The following CBL variants were observed in gnomAD, a reference collection of about 807,000 sequenced individuals.
CBL encodes the protein E3 ubiquitin-protein ligase CBL.
CBL carries 45 observed loss-of-function variants against 96.9 expected under a neutral mutation model. The ratio of observed to expected loss-of-function variants is 0.46; its 90% CI spans 0.37 to 0.60. The LOEUF is 0.60. Among genes scored for constraint, CBL ranks in the 20% least tolerant of loss-of-function variants. CBL has a pLI of 0.00. For synonymous variants in CBL, 420 were observed against 426.8 expected, an observed-to-expected ratio of 0.98 and a Z score of 0.20; for missense variants, 1,024 against 1,143.5, an observed-to-expected ratio of 0.90 and a Z score of 1.51.
At chr11:119,209,691 T>A (rs1282652682) in intron 1 of CBL, among the ~76,000 whole-genome samples, 3 of 152,198 alleles carry the variant, frequency 2.0e-5, no homozygotes, top group Non-Finnish European at 2.9e-5. Context: ...CATACCTGCT[T>A]TATCTTTGTT....
chr11:119,208,431 C>T (rs1281938202), intron 1 of CBL, among the ~76,000 whole-genome samples: 1 of 150,794 alleles, frequency 6.6e-6, no homozygotes, highest in Non-Finnish European at 1.5e-5. Context: ...GCTCTTGTTA[C>T]CCAGGCTGGA....
intron 1 of CBL, among the ~76,000 whole-genome samples, chr11:119,215,588 C>T (rs1949353430): frequency 6.6e-6 from 1 of 151,852 alleles, no homozygotes; most frequent in Non-Finnish European, 1.5e-5. Context: ...ATCGTTTAAA[C>T]CCGCCCGGGA....
Position 119,300,544 on chromosome 11 carries a change from G to C in CBL, c.*763G>C, listed in dbSNP as rs971001299. 14 of 399,682 alleles carry C rather than the reference G, an allele frequency of 3.5e-5. No homozygotes were observed. Among genetic ancestry groups the C allele is most frequent in the Middle Eastern group, 6.2e-4 (1 of 1,610 alleles). The allele number at this position is 399,682 out of a possible 1,614,324, so 24.8% of individuals were successfully genotyped here. On this transcript the variant is annotated 3_prime_UTR_variant, in exon 16 of 16. Coordinates refer to ENST00000264033, the MANE Select transcript of CBL (RefSeq NM_005188.4). ...GTTTGGTAGATAAGTGGGAGGAAAA[G>C]TACTGTTGCTACACTATTATAGGCA... is the stretch of plus-strand genomic sequence containing the variant.
At chr11:119,263,308 T>C (rs1395513155) in intron 2 of CBL, among the ~76,000 whole-genome samples, 1 of 152,200 alleles carries the variant, frequency 6.6e-6, no homozygotes, top group Non-Finnish European at 1.5e-5. Flanking sequence ...TGAGAAGTCA[T>C]TAAAGATTTT....
At chr11:119,252,114 T>C (rs957511703) in intron 2 of CBL, among the ~76,000 whole-genome samples, 28 of 152,096 alleles carry the variant, frequency 1.8e-4, no homozygotes, top group African/African-American at 6.3e-4. Context: ...TTAAATCCTG[T>C]GTGTTAAATT....
In CBL at chr11:119,284,734, A is replaced by G. The variant is rs1383487106; in HGVS notation, c.1432-235A>G. On this transcript the variant is annotated intron_variant, in intron 9 of 15. Coordinates refer to ENST00000264033, the MANE Select transcript of CBL (RefSeq NM_005188.4). ...CTAGATAGATTACCTGTAGCTTGCC[A>G]TGGGTATGGTGTTTCTGTGATTGAG... 4.6e-5 allele frequency among the ~76,000 whole-genome samples: 7 copies of G among 152,238 alleles called. No homozygotes were observed. The East Asian group carries it at 1.2e-3, about 25-fold the overall frequency.
At chr11:119,232,271 C>T (rs1385554557) in intron 1 of CBL, among the ~76,000 whole-genome samples, 177 bp from the exon 2 acceptor site, 1 of 152,120 alleles carries the variant, frequency 6.6e-6, no homozygotes, top group Non-Finnish European at 1.5e-5. Flanking sequence ...TGGGGGACCA[C>T]TAAAAATTTT....
intron 1 of CBL, among the ~76,000 whole-genome samples, chr11:119,226,361 G>A (rs964805165): frequency 5.3e-5 from 8 of 152,126 alleles, no homozygotes; most frequent in Admixed American, 2.6e-4. Context: ...TATTGAATGC[G>A]ATTTTTTTGG....
intron 12 of CBL, among the ~76,000 whole-genome samples, chr11:119,288,234 GCTTT>G (rs559998753): frequency 6.0e-4 from 92 of 152,202 alleles, no homozygotes; most frequent in Admixed American, 8.5e-4. Context: ...TATTCTTCCA[GCTTT>G]CTTTAAGTTT....
chr11:119,256,461 G>T (rs1030949932), intron 2 of CBL, among the ~76,000 whole-genome samples: 7 of 152,260 alleles, frequency 4.6e-5, no homozygotes, highest in Non-Finnish European at 1.0e-4. Flanking sequence ...GATTATAGGT[G>T]TGAGCCACCA....
chr11:119,278,008 G>C (rs1326996109), intron 7 of CBL, among the ~76,000 whole-genome samples, 158 bp from the exon 8 acceptor site: 3 of 152,132 alleles, frequency 2.0e-5, no homozygotes, highest in Non-Finnish European at 2.9e-5. Flanking sequence ...ATAGGACCCA[G>C]ACTAGATGCT....
chr11:119,225,263 A>T (rs1053614718), intron 1 of CBL, among the ~76,000 whole-genome samples: 2 of 151,804 alleles, frequency 1.3e-5, no homozygotes, highest in Middle Eastern at 3.4e-3. Flanking sequence ...TGCCTGGCTA[A>T]TTTTTGTATT....
intron 2 of CBL, among the ~76,000 whole-genome samples, chr11:119,260,430 G>A (rs1949746167): frequency 1.3e-5 from 2 of 151,970 alleles, no homozygotes. Flanking sequence ...TTTTAGTAGA[G>A]ATGGGGTTTT....
At chr11:119,219,255 T>C (rs139531421) in intron 1 of CBL, among the ~76,000 whole-genome samples, 169 of 151,774 alleles carry the variant, frequency 1.1e-3, no homozygotes, top group African/African-American at 3.7e-3. Context: ...GGCGGGCTCC[T>C]GTAATCCCAT....
At chr11:119,238,994 T>C (rs1212465012) in intron 2 of CBL, among the ~76,000 whole-genome samples, 1 of 152,072 alleles carries the variant, frequency 6.6e-6, no homozygotes, top group Non-Finnish European at 1.5e-5. Flanking sequence ...TTAGACAGAG[T>C]CTCACTCTGT....
Position 119,307,027 on chromosome 11 carries a change from C to T in CBL, c.*7246C>T, listed in dbSNP as rs1950148798. On this transcript the variant is annotated 3_prime_UTR_variant, in exon 16 of 16. Coordinates refer to ENST00000264033, the MANE Select transcript of CBL (RefSeq NM_005188.4). ...ATTTTAGGACTTAATATGGAAATAC[C>T]AGAGTCTGAGCTCCTCTACCTTGAG... The T allele has an allele frequency of 4.4e-6, 1 of 228,538 alleles. No individual in the cohort carries two copies. The highest frequency in any genetic ancestry group is 8.7e-6 in the Non-Finnish European group (1 of 115,248). The allele number at this position is 228,538 out of a possible 1,614,324, so 14.2% of individuals were successfully genotyped here. A position where few individuals can be genotyped will look rare whatever the true frequency, so the allele number is the denominator to read the frequency against.
At chr11:119,282,553 A>G (rs180948275) in intron 9 of CBL, among the ~76,000 whole-genome samples, 1 of 152,312 alleles carries the variant, frequency 6.6e-6, no homozygotes, top group East Asian at 1.9e-4. Flanking sequence ...ATGAGCCTGA[A>G]TAGAGCAGCG....
chr11:119,257,157 C>T (rs1253848517), intron 2 of CBL, among the ~76,000 whole-genome samples: 2 of 152,192 alleles, frequency 1.3e-5, no homozygotes, highest in Non-Finnish European at 2.9e-5. Context: ...TACTATTTTC[C>T]ACAGAGGTTG....
chr11:119,291,654 G>A (rs890994773), intron 12 of CBL, among the ~76,000 whole-genome samples: 10 of 152,188 alleles, frequency 6.6e-5, no homozygotes, highest in Admixed American at 4.6e-4. Flanking sequence ...GCTGTAGTGC[G>A]CCATGATTGT....
Sources: gnomAD v4.1 joint callset for allele counts (sites outside exome capture counted in the v4.1 genomes callset) on GRCh38, gnomAD v4.1.1 for gene constraint, MANE v1.5 for transcripts, NCBI Gene and HGNC (gene_info 2026-07-23, HGNC 2026-07-21) for gene names.